PDE10A: variants seen among roughly 807,000 people sequenced by gnomAD.
The protein encoded by PDE10A is cAMP and cAMP-inhibited cGMP 3',5'-cyclic phosphodiesterase 10A.
PDE10A carries 39 observed loss-of-function variants against 97.7 expected under a neutral mutation model. The ratio of observed to expected loss-of-function variants is 0.40; its 90% CI spans 0.31 to 0.52. The LOEUF (loss-of-function observed/expected upper bound fraction) is 0.52. Among genes scored for constraint, PDE10A ranks in the 20% least tolerant of loss-of-function variants. The pLI is 0.56. For missense variants in PDE10A, 731 were observed against 1,047.8 expected, an observed-to-expected ratio of 0.70 and a Z score of 4.17; for synonymous variants, 371 against 376.8, an observed-to-expected ratio of 0.98 and a Z score of 0.18.
At chr6:165,500,329 A>G (rs1780794393) in intron 2 of PDE10A, among the ~76,000 whole-genome samples, 1 of 152,224 alleles carries the variant, frequency 6.6e-6, no homozygotes, top group South Asian at 2.1e-4. Flanking sequence ...CGCAGAAAGA[A>G]GTAGACATAA....
intron 1 of PDE10A, among the ~76,000 whole-genome samples, chr6:165,817,065 G>A (rs10455964): frequency 0.5 from 76,515 of 151,952 alleles, 19,912 homozygotes; most frequent in East Asian, 0.87. Context: ...GCCAACAACC[G>A]TGCTCAGGAA....
At chr6:165,495,018 G>A (rs935795826) in intron 2 of PDE10A, among the ~76,000 whole-genome samples, 3 of 152,012 alleles carry the variant, frequency 2.0e-5, no homozygotes, top group Non-Finnish European at 2.9e-5. Flanking sequence ...ATATATATCC[G>A]TATCTTAGGA....
intron 1 of PDE10A, among the ~76,000 whole-genome samples, chr6:165,855,293 C>T (rs1338944794): frequency 1.5e-5 from 1 of 66,832 alleles, no homozygotes; most frequent in Non-Finnish European, 3.0e-5. Context: ...TCATAGGCGG[C>T]GCGGGAAGTG....
intron 1 of PDE10A, among the ~76,000 whole-genome samples, chr6:165,559,277 A>C (rs1169036675): frequency 6.6e-6 from 1 of 152,236 alleles, no homozygotes; most frequent in Non-Finnish European, 1.5e-5. Context: ...GGAAATAAAA[A>C]TGTGCAGCCA....
intron 1 of PDE10A, among the ~76,000 whole-genome samples, chr6:165,766,334 TTA>T (rs1162901989): frequency 6.6e-6 from 1 of 152,260 alleles, no homozygotes; most frequent in African/African-American, 2.4e-5. Context: ...ATTCAGCCTT[TTA>T]TATGATTATC....
chr6:165,964,986 C>T (rs1042293733), intron 1 of PDE10A, among the ~76,000 whole-genome samples: 11 of 152,266 alleles, frequency 7.2e-5, no homozygotes, highest in South Asian at 6.2e-4. Context: ...TGGGTGGGAG[C>T]GGCAAATGGC....
intron 1 of PDE10A, among the ~76,000 whole-genome samples, chr6:165,743,497 C>T (rs73259420): frequency 0.011 from 1,662 of 152,268 alleles, 34 homozygotes; most frequent in African/African-American, 0.037. Context: ...TTTGCATCTC[C>T]GTCTGTAGAA....
intron 1 of PDE10A, among the ~76,000 whole-genome samples, chr6:165,617,818 G>A (rs1184620940): frequency 6.6e-6 from 1 of 152,094 alleles, no homozygotes; most frequent in Non-Finnish European, 1.5e-5. Context: ...CTTCAGCTTC[G>A]AGGACACACA....
At chr6:165,379,539 C>T (rs1022923324) in intron 17 of PDE10A, among the ~76,000 whole-genome samples, 173 bp from the exon 18 acceptor site, 3 of 152,162 alleles carry the variant, frequency 2.0e-5, no homozygotes, top group African/African-American at 4.8e-5. Context: ...ACGAAAACTG[C>T]GTTTTGGTTT....
At chr6:165,803,476 GA>G (rs1562744520) in intron 1 of PDE10A, among the ~76,000 whole-genome samples, 1 of 152,198 alleles carries the variant, frequency 6.6e-6, no homozygotes, top group East Asian at 1.9e-4. Flanking sequence ...TGGTGGGAAA[GA>G]AAAAACTTAA....
At chr6:165,903,507 A>G (rs1374308157) in intron 1 of PDE10A, among the ~76,000 whole-genome samples, 2 of 152,174 alleles carry the variant, frequency 1.3e-5, no homozygotes, top group Admixed American at 1.3e-4. Flanking sequence ...TGAGACTAGG[A>G]GACAGAAAAG....
intron 13 of PDE10A, among the ~76,000 whole-genome samples, chr6:165,408,932 G>C (rs1369237773): frequency 6.6e-6 from 1 of 151,926 alleles, no homozygotes; most frequent in Non-Finnish European, 1.5e-5. Flanking sequence ...TTGGGAGGCC[G>C]AGGCGGGCGG....
At chr6:165,900,812 A>T (rs1435603823) in intron 1 of PDE10A, among the ~76,000 whole-genome samples, 1 of 152,214 alleles carries the variant, frequency 6.6e-6, no homozygotes, top group Admixed American at 6.5e-5. Context: ...TCTATCCAAC[A>T]TACTCTCATA....
intron 1 of PDE10A, among the ~76,000 whole-genome samples, chr6:165,550,738 T>C (rs189705872): frequency 9.7e-4 from 147 of 152,280 alleles, no homozygotes; most frequent in African/African-American, 3.3e-3. Flanking sequence ...ACAATTCAAC[T>C]TCAGGCAGAA....
At chr6:165,622,235 G>A (rs915251310) in intron 1 of PDE10A, among the ~76,000 whole-genome samples, 3 of 152,006 alleles carry the variant, frequency 2.0e-5, no homozygotes, top group African/African-American at 4.8e-5. Flanking sequence ...AAAGTCAATC[G>A]GGCAACCTCT....
intron 1 of PDE10A, among the ~76,000 whole-genome samples, chr6:165,916,451 G>A (rs988120214): frequency 1.3e-5 from 2 of 152,208 alleles, no homozygotes; most frequent in East Asian, 1.9e-4. Context: ...CCATATTTCA[G>A]TGAGTTTGTC....
At chr6:165,781,275 A>T (rs1376393014) in intron 1 of PDE10A, 3 of 147,760 alleles carry the variant, frequency 2.0e-5, no homozygotes, top group African/African-American at 7.3e-5. Context: ...TGTGACTTAA[A>T]CCCACCTATT....
chr6:165,505,510 C>CT (rs2128297647), intron 2 of PDE10A, among the ~76,000 whole-genome samples: 1 of 152,150 alleles, frequency 6.6e-6, no homozygotes, highest in African/African-American at 2.4e-5. Flanking sequence ...TAATATGATA[C>CT]TTTTTTAAAA....
chr6:165,526,321 TG>T (rs1477119512), intron 2 of PDE10A, among the ~76,000 whole-genome samples: 1 of 152,136 alleles, frequency 6.6e-6, no homozygotes, highest in Non-Finnish European at 1.5e-5. Flanking sequence ...TTGGGTCTAG[TG>T]GGTCCCTGGA....
Sources: gnomAD v4.1 joint callset for allele counts (sites outside exome capture counted in the v4.1 genomes callset) on GRCh38, gnomAD v4.1.1 for gene constraint, MANE v1.5 for transcripts, NCBI Gene and HGNC (gene_info 2026-07-23, HGNC 2026-07-21) for gene names.